Variants in BTBD2 observed in about 807,000 individuals in gnomAD.
BTBD2 encodes the protein BTB domain containing 2.
Under a neutral mutation model 44.0 loss-of-function variants are expected in BTBD2, and 15 were observed. The ratio of observed to expected loss-of-function variants is 0.34; its 90% CI spans 0.23 to 0.53. The LOEUF is 0.53. Among genes scored for constraint, BTBD2 ranks in the 20% least tolerant of loss-of-function variants. The probability of loss-of-function intolerance (pLI) is 0.95; values close to 1 mark genes in which losing one functional copy is unlikely to be tolerated. For synonymous variants in BTBD2, 443 were observed against 335.9 expected (o/e 1.32, Z -3.49); for missense variants, 657 against 746.4 (o/e 0.88, Z 1.39).
At chr19:1,988,976 G>C (rs944560610) in intron 5 of BTBD2, among the ~76,000 whole-genome samples, 4 of 150,448 alleles carry the variant, frequency 2.7e-5, no homozygotes, top group South Asian at 2.1e-4. Context: ...GCAGTGGCGC[G>C]ATCTCGGCTC....
At chr19:2,004,509 C>T (rs986837132) in intron 1 of BTBD2, among the ~76,000 whole-genome samples, 3 of 151,778 alleles carry the variant, frequency 2.0e-5, no homozygotes, top group South Asian at 4.2e-4. Flanking sequence ...GTTGTTCAGG[C>T]TGGTCTCCAA....
rs2016067501 is a variant in BTBD2, at chr19:1,985,650, G to C, written c.*838C>G. ...GCTCCCACGGCACCAGGTGGGCTAG[G>C]GCAACAGTATGTACAGGCGAGCAGT... On this transcript the variant is annotated 3_prime_UTR_variant, in exon 9 of 9. Transcript: ENST00000255608. 1 of 152,304 alleles carries C rather than the reference G, an allele frequency of 6.6e-6. No individual in the cohort carries two copies. The highest frequency in any genetic ancestry group is 1.5e-5 in the Non-Finnish European group (1 of 68,102). 9.4% of individuals were successfully genotyped at this position (152,304 alleles called of 1,614,324 possible).
At chr19:1,997,285 T>A (rs2016263719) in intron 2 of BTBD2, 59 bp downstream of exon 2, 12 of 1,609,710 alleles carry the variant, frequency 7.5e-6, no homozygotes, top group Non-Finnish European at 8.5e-6. Context: ...GGGTCTACGT[T>A]CTCTGAGGTC....
chr19:2,005,776 C>T (rs8113757), intron 1 of BTBD2, among the ~76,000 whole-genome samples: 30,024 of 139,228 alleles, frequency 0.22, 3,497 homozygotes, highest in African/African-American at 0.33. Flanking sequence ...AGCAAAACTC[C>T]GTCTCAAAAA....
chr19:1,997,117 T>A (rs1599353261), intron 2 of BTBD2, among the ~76,000 whole-genome samples: 1 of 151,662 alleles, frequency 6.6e-6, no homozygotes, highest in Non-Finnish European at 1.5e-5. Context: ...AAGACTGAGG[T>A]TGCAGTGAGC....
At chr19:1,988,435 GGCTCAACTCCGCATC>G (rs1299320064) in intron 5 of BTBD2, 2 of 152,348 alleles carry the variant, frequency 1.3e-5, no homozygotes, top group Non-Finnish European at 2.9e-5. Flanking sequence ...AACCAAGGTG[GGCTCAACTCCGCATC>G]GCTCAGCTGC....
intron 1 of BTBD2, among the ~76,000 whole-genome samples, chr19:2,011,271 G>T (rs2016460971): frequency 1.3e-5 from 2 of 152,000 alleles, no homozygotes; most frequent in Admixed American, 1.3e-4. Context: ...CTCCAAAGAG[G>T]ACCTGCATCC....
At chr19:1,989,167 G>C (rs1395986666) in intron 5 of BTBD2, among the ~76,000 whole-genome samples, 3 of 152,194 alleles carry the variant, frequency 2.0e-5, no homozygotes, top group Non-Finnish European at 4.4e-5. Flanking sequence ...GCCGAGATGG[G>C]AGGATGGCTG....
At chr19:1,987,835 A>G (rs1261451660) in intron 5 of BTBD2, 143 bp from the exon 6 acceptor site, 18 of 801,510 alleles carry the variant, frequency 2.2e-5, no homozygotes, top group Non-Finnish European at 3.4e-5. Flanking sequence ...CCGGGGGACT[A>G]GCCACCAGCC....
At position 1,986,587 on chromosome 19, in the gene BTBD2, C is replaced by T. The variant is rs150535121; in HGVS notation, c.1479G>A (p.Thr493=). Residue 493 remains threonine (T), a synonymous_variant, in exon 9 of 9, where the codon ACG becomes ACA. Coordinates refer to ENST00000255608, the MANE Select transcript of BTBD2 (RefSeq NM_017797.4). ...AAAAGGTGAAGCAGGTCTTGGCGCCCGTGGTGGGCGACTCGTGTGTCACCT... is the reference window on the plus strand; with the variant it reads ...AAAAGGTGAAGCAGGTCTTGGCGCCTGTGGTGGGCGACTCGTGTGTCACCT... ...LRKVTHESPT[T]GAKTCFTFCY... The T allele has an allele frequency of 1.5e-5, 24 of 1,613,884 alleles. No homozygotes were observed. The highest frequency in any genetic ancestry group is 1.9e-5 in the Non-Finnish European group (22 of 1,179,942).
chr19:2,012,397 G>A (rs557847551), intron 1 of BTBD2, among the ~76,000 whole-genome samples: 27 of 152,124 alleles, frequency 1.8e-4, no homozygotes, highest in African/African-American at 3.1e-4. Flanking sequence ...TGATCTGCCC[G>A]CCTCGGCCTC....
intron 3 of BTBD2, among the ~76,000 whole-genome samples, chr19:1,992,806 A>T (rs1240277331): frequency 1.3e-5 from 2 of 152,146 alleles, no homozygotes; most frequent in South Asian, 2.1e-4. Context: ...GCCTGAGCTC[A>T]GGTGATCTGC....
At chr19:2,010,802 CTTAT>C (rs1232872503) in intron 1 of BTBD2, among the ~76,000 whole-genome samples, 3 of 152,268 alleles carry the variant, frequency 2.0e-5, no homozygotes, top group Non-Finnish European at 4.4e-5. Flanking sequence ...CCGCGCCCAG[CTTAT>C]TTGTGTATTT....
At chr19:2,009,023 T>C (rs1568222954) in intron 1 of BTBD2, among the ~76,000 whole-genome samples, 1 of 150,668 alleles carries the variant, frequency 6.6e-6, no homozygotes, top group Non-Finnish European at 1.5e-5. Context: ...CACTGTTCTT[T>C]TTTTTTTTTT....
At chr19:2,015,226 GC>G in intron 1 of BTBD2, 70 bp downstream of exon 1, 1 of 1,461,406 alleles carries the variant, frequency 6.8e-7, no homozygotes. Flanking sequence ...GGGGTGCAGG[GC>G]CTCAGGTGCA....
chr19:1,989,780 G>T, intron 5 of BTBD2: 2 of 584,880 alleles, frequency 3.4e-6, no homozygotes, highest in Non-Finnish European at 6.1e-6. Flanking sequence ...GGACAGACAC[G>T]AGAGGCGGGG....
intron 5 of BTBD2, among the ~76,000 whole-genome samples, chr19:1,988,991 C>T (rs2016133966): frequency 6.6e-6 from 1 of 152,148 alleles, no homozygotes; most frequent in Non-Finnish European, 1.5e-5. Flanking sequence ...CGGCTCATCA[C>T]AACCTCCACC....
rs573371232 is a variant in BTBD2, at chr19:1,997,908, A to C, written c.408-445T>G. ...GGCGTTCATTCACTCATTCATTCAC[A>C]TATTCATTCATTAACTAATTTCCAT... is the stretch of plus-strand genomic sequence containing the variant. On this transcript the variant is annotated intron_variant, in intron 1 of 8. Coordinates refer to ENST00000255608, the MANE Select transcript of BTBD2 (RefSeq NM_017797.4). Among the ~76,000 whole-genome samples the C allele has an allele frequency of 2.0e-5, 3 of 152,276 alleles. No homozygotes were observed. In the East Asian group the frequency reaches 5.8e-4, roughly 29 times the overall value.
chr19:1,994,508 C>T (rs1041563398), intron 2 of BTBD2, among the ~76,000 whole-genome samples: 5 of 151,904 alleles, frequency 3.3e-5, no homozygotes, highest in Non-Finnish European at 7.4e-5. Context: ...GGCCTGTAAT[C>T]CCAGCACTTT....
Sources: gnomAD v4.1 joint callset for allele counts (sites outside exome capture counted in the v4.1 genomes callset) on GRCh38, gnomAD v4.1.1 for gene constraint, MANE v1.5 for transcripts, NCBI Gene and HGNC (gene_info 2026-07-23, HGNC 2026-07-21) for gene names.